The following PSD3 variants were observed in gnomAD, a reference collection of about 807,000 sequenced individuals.
The protein encoded by PSD3 is PH and SEC7 domain-containing protein 3.
Under a neutral mutation model 105.5 loss-of-function variants are expected in PSD3, and 49 were observed. The observed-to-expected ratio is 0.46, with a 90% CI of 0.37 to 0.59. The LOEUF (loss-of-function observed/expected upper bound fraction) is 0.59. Ranked by LOEUF, PSD3 falls within the 20% of genes least tolerant of loss-of-function variation. PSD3 has a pLI of 0.00. For missense variants in PSD3, 1,561 were observed against 1,263.8 expected, an observed-to-expected ratio of 1.24 and a Z score of -3.57; for synonymous variants, 557 against 457.8, an observed-to-expected ratio of 1.22 and a Z score of -2.77.
intron 9 of PSD3, among the ~76,000 whole-genome samples, chr8:18,692,075 CA>C (rs1313068449): frequency 6.6e-6 from 1 of 151,874 alleles, no homozygotes; most frequent in Non-Finnish European, 1.5e-5. Flanking sequence ...TTAGTTTCAT[CA>C]AAAAAGGGTG....
At chr8:18,915,256 A>C (rs1820507729) in intron 2 of PSD3, among the ~76,000 whole-genome samples, 1 of 152,272 alleles carries the variant, frequency 6.6e-6, no homozygotes, top group South Asian at 2.1e-4. Flanking sequence ...AAAACATAGG[A>C]AAAAAGGCTT....
At chr8:18,702,086 A>G (rs1361216930) in intron 9 of PSD3, among the ~76,000 whole-genome samples, 1 of 152,226 alleles carries the variant, frequency 6.6e-6, no homozygotes, top group African/African-American at 2.4e-5. Context: ...CCTGGGAGTG[A>G]CTTCAGATAC....
intron 12 of PSD3, among the ~76,000 whole-genome samples, chr8:18,589,291 A>G (rs921912909): frequency 1.3e-5 from 2 of 152,210 alleles, no homozygotes; most frequent in African/African-American, 4.8e-5. Context: ...ATCTCCAAGT[A>G]TCAACAACTG....
intron 9 of PSD3, among the ~76,000 whole-genome samples, chr8:18,705,194 T>C (rs1041805916): frequency 2.6e-5 from 4 of 152,056 alleles, no homozygotes; most frequent in South Asian, 2.1e-4. Context: ...GAAGCAGTTG[T>C]TGAAAATAAC....
rs139286120 is a variant in PSD3, at chr8:18,658,835, G to C, written c.2173-3150C>G. Among the ~76,000 whole-genome samples, 290 of 152,184 alleles carry C rather than the reference G, an allele frequency of 1.9e-3. 4 individuals are homozygous for C. The highest frequency in any genetic ancestry group is 2.1e-3 in the East Asian group (11 of 5,172). ...TAAAAAGTATGCTCTAGTAGCCTCA[G>C]GGATCCAGGAATTTCTCTCTCATCT... On this transcript the variant is annotated intron_variant, in intron 9 of 15. Transcript: ENST00000327040.
At chr8:18,604,668 C>A (rs148360631) in intron 11 of PSD3, among the ~76,000 whole-genome samples, 1 of 152,278 alleles carries the variant, frequency 6.6e-6, no homozygotes, top group African/African-American at 2.4e-5. Context: ...ATTTCAGAGA[C>A]CTTCACAGCA....
At chr8:18,772,738 G>C (rs1272528276) in intron 8 of PSD3, among the ~76,000 whole-genome samples, 2 of 152,150 alleles carry the variant, frequency 1.3e-5, no homozygotes, top group Non-Finnish European at 1.5e-5. Context: ...TCGAACCCTT[G>C]ACCTCAGGTG....
At chr8:18,918,144 ACCTAGTC>A (rs1820745161) in intron 2 of PSD3, among the ~76,000 whole-genome samples, 1 of 152,220 alleles carries the variant, frequency 6.6e-6, no homozygotes, top group Admixed American at 6.5e-5. Flanking sequence ...ACCATTCATA[ACCTAGTC>A]CCTGCCCACC....
Position 18,534,556 on chromosome 8 carries a change from G to C in PSD3, c.*1187C>G, listed in dbSNP as rs1047824498. On this transcript the variant is annotated 3_prime_UTR_variant, in exon 16 of 16. Coordinates refer to ENST00000327040, the MANE Select transcript of PSD3 (RefSeq NM_015310.4). ...GAGTGAAGTGGCTATCAAGGAGACT[G>C]AGACAAGAATAAACAAAGTCACTTT... 1.3e-5 allele frequency: 2 copies of C among 152,350 alleles called. No homozygotes were observed. The highest frequency in any genetic ancestry group is 4.8e-5 in the African/African-American group (2 of 41,574). 9.4% of individuals were successfully genotyped at this position (152,350 alleles called of 1,614,324 possible).
At chr8:18,946,637 C>T (rs1007098081) in intron 1 of PSD3, among the ~76,000 whole-genome samples, 3 of 151,578 alleles carry the variant, frequency 2.0e-5, no homozygotes, top group African/African-American at 4.8e-5. Flanking sequence ...CGGTGGCTCA[C>T]GCCTGTAATC....
chr8:18,716,074 A>G (rs1327161163), intron 9 of PSD3, among the ~76,000 whole-genome samples: 1 of 152,220 alleles, frequency 6.6e-6, no homozygotes, highest in South Asian at 2.1e-4. Context: ...TATTTCAAAG[A>G]GGATGGCCAT....
rs74303996 is a variant in PSD3, at chr8:18,542,060, T to C, written c.2929-6102A>G. Among the ~76,000 whole-genome samples, 217 of 152,148 alleles carry C rather than the reference T, an allele frequency of 1.4e-3. 5 individuals carry two copies. The East Asian group carries it at 0.033, about 23-fold the overall frequency. Reference sequence around the variant, plus strand: ...GAGCCACCTCATTCGGCCCTGAGAATCTCTTACGTAGTAGTACATGAAAAA... The same window carrying C: ...GAGCCACCTCATTCGGCCCTGAGAACCTCTTACGTAGTAGTACATGAAAAA... On this transcript the variant is annotated intron_variant, in intron 15 of 15. Transcript: ENST00000327040.
chr8:18,967,151 T>A (rs1824312944), intron 1 of PSD3, among the ~76,000 whole-genome samples: 1 of 136,826 alleles, frequency 7.3e-6, no homozygotes, highest in Non-Finnish European at 1.6e-5. Flanking sequence ...TTTTCTTTTT[T>A]CTTTATTTAT....
chr8:18,960,479 G>A (rs992447161), intron 1 of PSD3, among the ~76,000 whole-genome samples: 1 of 152,108 alleles, frequency 6.6e-6, no homozygotes, highest in Non-Finnish European at 1.5e-5. Flanking sequence ...ATAATAGAAA[G>A]CTGTCCAACA....
chr8:19,058,370 T>C (rs576760056), intron 1 of PSD3, among the ~76,000 whole-genome samples: 39 of 150,308 alleles, frequency 2.6e-4, no homozygotes, highest in African/African-American at 8.0e-4. Context: ...ATTTTGGTGA[T>C]AGTTGTACAA....
At chr8:18,814,288 T>G (rs1812016968) in intron 4 of PSD3, among the ~76,000 whole-genome samples, 1 of 152,206 alleles carries the variant, frequency 6.6e-6, no homozygotes, top group African/African-American at 2.4e-5. Context: ...CAGTCCTTTT[T>G]CTCAGCCTTG....
chr8:18,716,222 C>G (rs572520717), intron 9 of PSD3, among the ~76,000 whole-genome samples: 1 of 152,196 alleles, frequency 6.6e-6, no homozygotes, highest in Non-Finnish European at 1.5e-5. Flanking sequence ...CTACGAAACA[C>G]GCCCACATCC....
intron 1 of PSD3, among the ~76,000 whole-genome samples, chr8:18,965,679 G>A (rs1295295483): frequency 6.6e-6 from 1 of 152,186 alleles, no homozygotes; most frequent in Admixed American, 6.5e-5. Flanking sequence ...AATCCAACAA[G>A]CTGTAGGTCA....
intron 1 of PSD3, among the ~76,000 whole-genome samples, chr8:18,954,429 A>T (rs1823429791): frequency 6.6e-6 from 1 of 152,180 alleles, no homozygotes. Flanking sequence ...TGAGGTACTC[A>T]TTCATTTTAC....
Sources: allele counts gnomAD v4.1 joint callset (sites outside exome capture counted in the v4.1 genomes callset), GRCh38; gene constraint gnomAD v4.1.1; transcripts MANE v1.5; gene names NCBI Gene and HGNC (gene_info 2026-07-23, HGNC 2026-07-21).